ESRRB: variants seen among roughly 807,000 people sequenced by gnomAD.
ESRRB encodes estrogen related receptor beta, also known as steroid hormone receptor ERR2.
ESRRB carries 16 observed loss-of-function variants against 46.0 expected under a neutral mutation model. The observed-to-expected ratio is 0.35, with a 90% CI of 0.24 to 0.53. The LOEUF (loss-of-function observed/expected upper bound fraction) is 0.53. ESRRB is among the 20% of genes least tolerant of loss of function. ESRRB has a pLI of 0.93. For synonymous variants in ESRRB, 246 were observed against 259.6 expected (o/e 0.95, Z 0.50); for missense variants, 488 against 607.4 (o/e 0.80, Z 2.07).
At chr14:76,400,893 A>G (rs1885912970) in intron 1 of ESRRB, among the ~76,000 whole-genome samples, 1 of 152,198 alleles carries the variant, frequency 6.6e-6, no homozygotes, top group Non-Finnish European at 1.5e-5. Context: ...TCTAAGGTCC[A>G]GAGATATAAG....
intron 5 of ESRRB, among the ~76,000 whole-genome samples, chr14:76,483,263 C>T (rs1889879110): frequency 6.6e-6 from 1 of 152,338 alleles, no homozygotes; most frequent in South Asian, 2.1e-4. Context: ...CACCTGACCT[C>T]TCTGTCAAAT....
chr14:76,438,135 G>A (rs1251580238), intron 1 of ESRRB, among the ~76,000 whole-genome samples: 2 of 152,076 alleles, frequency 1.3e-5, no homozygotes, highest in Admixed American at 6.5e-5. Flanking sequence ...AGAGAGGGAG[G>A]GTTTGGGAGC....
chr14:76,444,504 AG>A (rs1888051142), intron 2 of ESRRB, among the ~76,000 whole-genome samples: 1 of 151,852 alleles, frequency 6.6e-6, no homozygotes, highest in African/African-American at 2.4e-5. Context: ...CAGGAGAGAA[AG>A]GGACGTGGTT....
Position 76,350,780 on chromosome 14 carries a change from A to G in ESRRB, c.2+39864A>G, listed in dbSNP as rs574886815. Among the ~76,000 whole-genome samples the G allele has an allele frequency of 3.3e-5, 5 of 152,250 alleles. No homozygotes were observed. The South Asian group carries it at 1.0e-3, about 32-fold the overall frequency. On this transcript the variant is annotated intron_variant, in intron 1 of 6. Transcript: ENST00000512784. ...CTGATGGCCTCTACCTGATGCCACC[A>G]TGGACCACCTGGACACAGCTTGATG...
rs149642201 is a variant in ESRRB, at chr14:76,482,651, A to G, written c.742A>G (p.Met248Val). The G allele has an allele frequency of 6.2e-5, 100 of 1,613,942 alleles. No homozygotes were observed. Among genetic ancestry groups the G allele is most frequent in the Non-Finnish European group, 8.3e-5 (98 of 1,180,006 alleles). Residue 248 changes from methionine (M) to valine (V), a missense_variant, in exon 5 of 7, where the codon ATG becomes GTG. Physicochemically the swap from Met to Val is conservative, Grantham distance 21. Transcript: ENST00000644823. This position sits in a 1 kb window ranked among gnomAD's most constrained non-coding sequence, Gnocchi z 4.3. ...GGCTGAGCCGGACAAGCTCTATGCCATGCCTCCCCCTGGTATGCCTGAGGG... is the reference window on the plus strand; with the variant it reads ...GGCTGAGCCGGACAAGCTCTATGCCGTGCCTCCCCCTGGTATGCCTGAGGG... ...LVAEPDKLYA[M>V]PPPGMPEGDI...
intron 3 of ESRRB, among the ~76,000 whole-genome samples, chr14:76,470,259 T>A (rs974945495): frequency 3.9e-5 from 6 of 152,210 alleles, no homozygotes; most frequent in African/African-American, 1.4e-4. Context: ...CACGCTAGGC[T>A]TCTAAAAGAA....
At chr14:76,390,532 A>G (rs1885424714) in intron 1 of ESRRB, among the ~76,000 whole-genome samples, 1 of 152,202 alleles carries the variant, frequency 6.6e-6, no homozygotes, top group Non-Finnish European at 1.5e-5. Context: ...AATATAAGGT[A>G]CTTATAGCAG....
At chr14:76,315,904 G>A (rs527324133) in intron 1 of ESRRB, among the ~76,000 whole-genome samples, 31 of 152,342 alleles carry the variant, frequency 2.0e-4, no homozygotes, top group Non-Finnish European at 4.0e-4. Context: ...GTCAGAGGAA[G>A]CTGTGACTCT....
At chr14:76,464,137 T>G (rs901066521) in intron 3 of ESRRB, among the ~76,000 whole-genome samples, 3 of 152,186 alleles carry the variant, frequency 2.0e-5, no homozygotes, top group Non-Finnish European at 2.9e-5. Flanking sequence ...GCTCCGGGCC[T>G]GGAATCCTTC....
At chr14:76,400,431 C>G (rs115010634) in intron 1 of ESRRB, among the ~76,000 whole-genome samples, 2,382 of 152,296 alleles carry the variant, frequency 0.016, 65 homozygotes, top group African/African-American at 0.054. Context: ...GAGCCGGAAG[C>G]CTTCCAAAAG....
chr14:76,469,929 G>GTTTT (rs769935944), intron 3 of ESRRB, among the ~76,000 whole-genome samples: 121 of 78,664 alleles, frequency 1.5e-3, no homozygotes, highest in East Asian at 1.7e-3. Context: ...GTTTTTTGTT[G>GTTTT]TTTTTTTTTT....
Position 76,356,969 on chromosome 14 carries a change from G to A in ESRRB, c.2+46053G>A, listed in dbSNP as rs1884386399. Among the ~76,000 whole-genome samples, 2 of 152,182 alleles carry A rather than the reference G, an allele frequency of 1.3e-5. 1 individual carries two copies. The highest frequency in any genetic ancestry group is 1.3e-4 in the Admixed American group (2 of 15,278). On this transcript the variant is annotated intron_variant, in intron 1 of 6. Transcript: ENST00000512784. ...TAGGAGCTCCTCTGAGGATCCTCAG[G>A]GAAGGTTGACTCTCTCCCTGAACCC...
intron 1 of ESRRB, among the ~76,000 whole-genome samples, chr14:76,343,352 C>T (rs566131533): frequency 6.6e-6 from 1 of 152,348 alleles, no homozygotes; most frequent in Admixed American, 6.5e-5. Context: ...TGTTTGAGAA[C>T]ATGGACTCTG....
chr14:76,350,016 G>C (rs980343558), intron 1 of ESRRB, among the ~76,000 whole-genome samples: 2 of 152,096 alleles, frequency 1.3e-5, no homozygotes, highest in Admixed American at 1.3e-4. Flanking sequence ...TGTTCCTGTG[G>C]GAGACAAGTA....
In ESRRB at chr14:76,390,430, A is replaced by C. The variant is rs552226529; in HGVS notation, c.50+13979A>C. On this transcript the variant is annotated intron_variant, in intron 1 of 6. Transcript: ENST00000644823. ...CTTGAACCCAGGAGGTGGAGATTGC[A>C]ATGAGCCAAGATTGCGCCACTGCAC... Among the ~76,000 whole-genome samples the C allele has an allele frequency of 8.5e-5, 13 of 152,324 alleles. No homozygotes were observed. In the East Asian group the frequency reaches 2.5e-3, roughly 29 times the overall value.
At chr14:76,422,976 T>G (rs1887035685) in intron 1 of ESRRB, among the ~76,000 whole-genome samples, 1 of 152,168 alleles carries the variant, frequency 6.6e-6, no homozygotes, top group Admixed American at 6.5e-5. Flanking sequence ...TTACATTGAT[T>G]TTGTGTTAAA....
At chr14:76,395,847 TG>T (rs1885655804) in intron 1 of ESRRB, among the ~76,000 whole-genome samples, 1 of 101,782 alleles carries the variant, frequency 9.8e-6, no homozygotes, top group Admixed American at 1.3e-4. Flanking sequence ...GTACTTGGGG[TG>T]GGGGGCGGGG....
At chr14:76,456,848 G>A (rs898443702) in intron 2 of ESRRB, among the ~76,000 whole-genome samples, 1 of 152,134 alleles carries the variant, frequency 6.6e-6, no homozygotes, top group Non-Finnish European at 1.5e-5. Flanking sequence ...GAGGGCCCTG[G>A]GCAACGCAGA....
At chr14:76,344,139 T>TACTA (rs1331429220) in intron 1 of ESRRB, among the ~76,000 whole-genome samples, 1 of 152,258 alleles carries the variant, frequency 6.6e-6, no homozygotes, top group Non-Finnish European at 1.5e-5. Flanking sequence ...TCAGTAACAG[T>TACTA]ACTAACCTCA....
Sources: allele counts gnomAD v4.1 joint callset (sites outside exome capture counted in the v4.1 genomes callset), GRCh38; gene constraint gnomAD v4.1.1; non-coding constraint Gnocchi (gnomAD v3.1); transcripts MANE v1.5; gene names NCBI Gene and HGNC (gene_info 2026-07-23, HGNC 2026-07-21).